Variants in HSF5 observed in about 807,000 individuals in gnomAD.
HSF5 encodes the protein heat shock factor protein 5.
HSF5 carries 5 observed loss-of-function variants against 50.8 expected under a neutral mutation model. The ratio of observed to expected loss-of-function variants is 0.10; its 90% CI spans 0.05 to 0.21. The LOEUF is 0.21. Among genes scored for constraint, HSF5 ranks in the 10% least tolerant of loss-of-function variants. The probability of loss-of-function intolerance (pLI) is 1.00; values close to 1 mark genes in which losing one functional copy is unlikely to be tolerated. For missense variants in HSF5, 564 were observed against 762.6 expected (o/e 0.74, Z 3.07); for synonymous variants, 307 against 307.4 (o/e 1.00, Z 0.02).
At chr17:58,484,232 A>G (rs929065231) in intron 1 of HSF5, among the ~76,000 whole-genome samples, 1 of 152,112 alleles carries the variant, frequency 6.6e-6, no homozygotes, top group Non-Finnish European at 1.5e-5. Flanking sequence ...CCAAACAGGA[A>G]AGGCATGAAA....
chr17:58,487,493 C>A (rs1189690242), intron 1 of HSF5, among the ~76,000 whole-genome samples: 1 of 152,196 alleles, frequency 6.6e-6, no homozygotes, highest in African/African-American at 2.4e-5. Context: ...TCAGAAGGGG[C>A]CGAATGCTTA....
intron 5 of HSF5, among the ~76,000 whole-genome samples, chr17:58,426,361 T>C (rs1307072640): frequency 6.6e-6 from 1 of 152,150 alleles, no homozygotes; most frequent in Non-Finnish European, 1.5e-5. Flanking sequence ...TCAATAAAAA[T>C]ACAAAAAGAC....
chr17:58,484,591 GA>G (rs35856760), intron 1 of HSF5, among the ~76,000 whole-genome samples: 33,543 of 147,912 alleles, frequency 0.23, 4,020 homozygotes, highest in South Asian at 0.34. Flanking sequence ...CATGCAACCT[GA>G]AAAAAAAAAA....
intron 5 of HSF5, among the ~76,000 whole-genome samples, chr17:58,452,805 T>C (rs2143766307): frequency 6.6e-6 from 1 of 152,358 alleles, no homozygotes; most frequent in African/African-American, 2.4e-5. Context: ...GTGATCTTTC[T>C]GCCCTCCCCA....
At position 58,459,630 on chromosome 17, in the gene HSF5, G is replaced by C. The variant is rs867581136; in HGVS notation, c.1543-685C>G. 1.0e-4 allele frequency among the ~76,000 whole-genome samples: 15 copies of C among 146,364 alleles called. No homozygotes were observed. In the South Asian group the frequency reaches 2.0e-3, roughly 19 times the overall value. On this transcript the variant is annotated intron_variant, in intron 4 of 5. Transcript: ENST00000323777. ...CCACTGCACTCCAGCCTGGGCAACA[G>C]AGTGAGACTACATCTCAAAAAAAAA...
chr17:58,482,250 A>T (rs542550967), intron 1 of HSF5, among the ~76,000 whole-genome samples: 2 of 152,354 alleles, frequency 1.3e-5, no homozygotes, highest in East Asian at 3.8e-4. Context: ...GATTGAATGT[A>T]TTCAAATGAT....
At chr17:58,484,867 C>T (rs1975146793) in intron 1 of HSF5, among the ~76,000 whole-genome samples, 1 of 152,100 alleles carries the variant, frequency 6.6e-6, no homozygotes, top group Admixed American at 6.5e-5. Context: ...ATTCATAACC[C>T]TGGGCGAAGG....
rs1974236657 is a variant in HSF5 at position 58,422,166 on chromosome 17, G to A, written c.*194C>T. On this transcript the variant is annotated 3_prime_UTR_variant, in exon 6 of 6. Coordinates refer to ENST00000323777, the MANE Select transcript of HSF5 (RefSeq NM_001080439.3). ...GCTAGATGTTCAGTAGTTTGTCAAG[G>A]CAGATAATCTGAACTGAACCACTGT... The A allele has an allele frequency of 1.9e-6, 1 of 524,058 alleles. No homozygotes were observed. The highest frequency in any genetic ancestry group is 3.5e-5 in the Admixed American group (1 of 28,478). The allele number at this position is 524,058 out of a possible 1,614,324, so 32.5% of individuals were successfully genotyped here.
chr17:58,457,964 A>G (rs1050042851), intron 5 of HSF5, among the ~76,000 whole-genome samples: 1 of 152,216 alleles, frequency 6.6e-6, no homozygotes, highest in Non-Finnish European at 1.5e-5. Context: ...TCATATCACT[A>G]TTAATTTACT....
intron 4 of HSF5, among the ~76,000 whole-genome samples, chr17:58,459,775 C>T (rs1051020442): frequency 6.6e-6 from 1 of 151,996 alleles, no homozygotes; most frequent in Admixed American, 6.6e-5. Flanking sequence ...ACGTGAGCCA[C>T]CACACCTGAC....
At chr17:58,474,516 C>T (rs1278131280) in intron 2 of HSF5, among the ~76,000 whole-genome samples, 1 of 152,038 alleles carries the variant, frequency 6.6e-6, no homozygotes, top group Non-Finnish European at 1.5e-5. Flanking sequence ...TTAATGCCTC[C>T]TTCCTAATTC....
rs766766318 is a variant in HSF5, at chr17:58,476,889, C to T, written c.925+3004G>A. ...TGCTGTTTTTTTTTTCCTGAGGTCT[C>T]GTCGGCCCTGTAGTGGTTGGAGTTG... On this transcript the variant is annotated intron_variant, in intron 2 of 5. Transcript: ENST00000323777. 1.7e-4 allele frequency: 191 copies of T among 1,157,116 alleles called. 1 individual carries two copies. The highest frequency in any genetic ancestry group is 2.3e-4 in the Non-Finnish European group (184 of 789,424). The allele number at this position is 1,157,116 out of a possible 1,614,324, so 71.7% of individuals were successfully genotyped here. A position where few individuals can be genotyped will look rare whatever the true frequency, so the allele number is the denominator to read the frequency against.
chr17:58,456,151 ATGTG>A (rs1046745282), intron 5 of HSF5, among the ~76,000 whole-genome samples: 6 of 126,812 alleles, frequency 4.7e-5, no homozygotes, highest in African/African-American at 1.3e-4. Flanking sequence ...ATATATATAT[ATGTG>A]TGTGTGTATA....
At position 58,458,953 on chromosome 17, in the gene HSF5, A is replaced by G; in HGVS notation, c.1543-8T>C. 6.3e-7 allele frequency: 1 copy of G among 1,596,864 alleles called. No homozygotes were observed. On this transcript the variant is annotated splice_region_variant and splice_polypyrimidine_tract_variant and intron_variant, in intron 4 of 5. Coordinates refer to ENST00000323777, the MANE Select transcript of HSF5 (RefSeq NM_001080439.3). Reference sequence around the variant, plus strand: ...TTTTATGTTGGCATCCACCTAAAATATTAAACCCATTCATTATTTGAGATT... The same window carrying G: ...TTTTATGTTGGCATCCACCTAAAATGTTAAACCCATTCATTATTTGAGATT...
At chr17:58,487,330 A>G (rs953368952) in intron 1 of HSF5, among the ~76,000 whole-genome samples, 3 of 152,204 alleles carry the variant, frequency 2.0e-5, no homozygotes, top group Non-Finnish European at 4.4e-5. Flanking sequence ...CAATGTTTCA[A>G]CGAAGGACTA....
chr17:58,447,107 A>G (rs1164718686), intron 5 of HSF5, among the ~76,000 whole-genome samples: 3 of 152,182 alleles, frequency 2.0e-5, no homozygotes, highest in African/African-American at 7.2e-5. Flanking sequence ...CCTGGGCGAC[A>G]GAGCAAGACT....
At chr17:58,422,497 C>G (rs1974240275) in intron 5 of HSF5, 67 bp from the exon 6 acceptor site, 11 of 1,225,778 alleles carry the variant, frequency 9.0e-6, no homozygotes, top group African/African-American at 1.5e-5. Context: ...AGTTTTCAGA[C>G]AAGCAGAACA....
chr17:58,484,872 C>T (rs1030526823), intron 1 of HSF5, among the ~76,000 whole-genome samples: 9 of 151,016 alleles, frequency 6.0e-5, no homozygotes, highest in African/African-American at 2.0e-4. Flanking sequence ...TAACCCTGGG[C>T]GAAGGTTAAG....
rs1363233629 is a variant in HSF5, at chr17:58,466,956, TAGG to T, written c.946_948del (p.Pro316del). Reference sequence around the variant, plus strand: ...CAACTACTTAGAGCATCCATGTGGGTAGGAGAACAGCACTGTAGCACAGCTGGA... The same window carrying T: ...CAACTACTTAGAGCATCCATGTGGGTAGAACAGCACTGTAGCACAGCTGGA... On this transcript the variant is annotated inframe_deletion, in exon 3 of 6. Coordinates refer to ENST00000323777, the MANE Select transcript of HSF5 (RefSeq NM_001080439.3). 1 of 1,610,860 alleles carries T rather than the reference TAGG, an allele frequency of 6.2e-7. No individual in the cohort carries two copies. Among genetic ancestry groups the T allele is most frequent in the African/African-American group, 1.3e-5 (1 of 74,944 alleles).
Sources: allele counts gnomAD v4.1 joint callset (sites outside exome capture counted in the v4.1 genomes callset), GRCh38; gene constraint gnomAD v4.1.1; transcripts MANE v1.5; gene names NCBI Gene and HGNC (gene_info 2026-07-23, HGNC 2026-07-21).